Variants in ZNF618 observed in about 807,000 individuals in gnomAD.
ZNF618 encodes neural precursor cell expressed, developmentally down-regulated 10.
In ZNF618, 34 loss-of-function variants were observed where a neutral mutation model predicts 103.0. That is an observed-to-expected ratio of 0.33 (90% CI 0.25 to 0.44). ZNF618 has a LOEUF of 0.44. ZNF618 is among the 20% of genes least tolerant of loss of function. The pLI is 1.00. For missense variants in ZNF618, 1,059 were observed against 1,295.4 expected (o/e 0.82, Z 2.80); for synonymous variants, 551 against 542.2 (o/e 1.02, Z -0.23).
At chr9:114,009,529 G>C (rs1018704416) in intron 9 of ZNF618, among the ~76,000 whole-genome samples, 1 of 152,136 alleles carries the variant, frequency 6.6e-6, no homozygotes, top group African/African-American at 2.4e-5. Context: ...GGCAGGTGCC[G>C]TGGGACCACA....
At chr9:113,988,207 G>A (rs939948455) in intron 2 of ZNF618, 114 bp from the exon 3 acceptor site, 6 of 1,382,254 alleles carry the variant, frequency 4.3e-6, no homozygotes, top group Admixed American at 2.7e-5. Context: ...GGGGCCGGGG[G>A]CCCTAGAATT....
At chr9:114,022,348 T>G (rs972973942) in intron 10 of ZNF618, among the ~76,000 whole-genome samples, 1 of 152,096 alleles carries the variant, frequency 6.6e-6, no homozygotes, top group Admixed American at 6.5e-5. Flanking sequence ...TATTATTTTA[T>G]GTAAGTATTC....
intron 13 of ZNF618, among the ~76,000 whole-genome samples, chr9:114,037,518 C>G (rs1403759693): frequency 1.3e-5 from 2 of 152,158 alleles, no homozygotes; most frequent in Non-Finnish European, 2.9e-5. Context: ...AGTTAGCTGT[C>G]CCTCCACCCC....
chr9:114,046,186 C>T (rs982135503), intron 13 of ZNF618, among the ~76,000 whole-genome samples: 14 of 152,128 alleles, frequency 9.2e-5, no homozygotes, highest in African/African-American at 3.1e-4. Context: ...TTTACTTCTT[C>T]CATTCCAATC....
At chr9:113,919,555 G>A (rs1337756222) in intron 1 of ZNF618, among the ~76,000 whole-genome samples, 1 of 152,180 alleles carries the variant, frequency 6.6e-6, no homozygotes, top group African/African-American at 2.4e-5. Flanking sequence ...GAGCGAACTT[G>A]GCGAGTGGTA....
In ZNF618 at chr9:113,969,114, C is replaced by T; in HGVS notation, c.34-3C>T. On this transcript the variant is annotated splice_polypyrimidine_tract_variant and splice_region_variant and intron_variant, in intron 1 of 14. Coordinates refer to ENST00000374126, the MANE Select transcript of ZNF618 (RefSeq NM_001318042.2). ...ATGTAGGTGTTTTGGGTTTCTTTTGCAGGCTGACGGAGCCAGTGCAGCCGG... is the reference window on the plus strand; with the variant it reads ...ATGTAGGTGTTTTGGGTTTCTTTTGTAGGCTGACGGAGCCAGTGCAGCCGG... The T allele has an allele frequency of 6.2e-7, 1 of 1,613,960 alleles. No homozygotes were observed. Among genetic ancestry groups the T allele is most frequent in the South Asian group, 1.1e-5 (1 of 91,072 alleles).
chr9:113,974,819 A>G (rs147795073), intron 2 of ZNF618, among the ~76,000 whole-genome samples: 2,400 of 152,206 alleles, frequency 0.016, 38 homozygotes, highest in Middle Eastern at 0.037. Flanking sequence ...CTAGTGCAGA[A>G]TGGAAGAGCC....
chr9:113,895,694 T>C (rs977474912), intron 1 of ZNF618, among the ~76,000 whole-genome samples: 1 of 152,122 alleles, frequency 6.6e-6, no homozygotes, highest in South Asian at 2.1e-4. Flanking sequence ...GTAAACAATT[T>C]AGTGTTTTGT....
chr9:113,972,691 T>C lies in ZNF618; in HGVS notation c.77+3531T>C, dbSNP rs7038250. Among the ~76,000 whole-genome samples, 1,022 of 152,228 alleles carry C rather than the reference T, an allele frequency of 6.7e-3. 14 individuals are homozygous for C. The highest frequency in any genetic ancestry group is 0.023 in the African/African-American group (954 of 41,524). ...TTATAGACTCTGTGAGGAAAACTAA[T>C]CCTTTGAAAGACCAACACACTATTA... On this transcript the variant is annotated intron_variant, in intron 2 of 14. Coordinates refer to ENST00000374126, the MANE Select transcript of ZNF618 (RefSeq NM_001318042.2).
intron 1 of ZNF618, among the ~76,000 whole-genome samples, chr9:113,930,744 A>C (rs1833508920): frequency 6.6e-6 from 1 of 152,174 alleles, no homozygotes; most frequent in Admixed American, 6.5e-5. Flanking sequence ...CTTTCTTTTG[A>C]ATCAATGGCA....
rs528750009 is a variant in ZNF618 at position 114,007,311 on chromosome 9, A to C, written c.551-39A>C. 48 of 1,593,856 alleles carry C rather than the reference A, an allele frequency of 3.0e-5. 1 individual carries two copies. In the South Asian group the frequency reaches 5.3e-4, roughly 17 times the overall value. On this transcript the variant is annotated intron_variant, in intron 6 of 14. Transcript: ENST00000374126. ...AGAAAAACCCCACCCCACAAGACTGAAGCCCTGGTAACCAGGTGTGTGTTT... is the reference window on the plus strand; with the variant it reads ...AGAAAAACCCCACCCCACAAGACTGCAGCCCTGGTAACCAGGTGTGTGTTT...
chr9:114,048,967 C>A lies in ZNF618; in HGVS notation c.1665C>A (p.Ser555=), dbSNP rs749976621. Residue 555 remains serine, a synonymous_variant, in exon 15 of 15, where the codon TCC becomes TCA. Coordinates refer to ENST00000374126, the MANE Select transcript of ZNF618 (RefSeq NM_001318042.2). The stretch of plus-strand genomic sequence containing the variant: ...TAGGCATCGGTGTCACCTGCCACTC[C>A]CAGAGTGTTGGCCCTGACTCCTGCT... ...ACLGIGVTCH[S]QSVGPDSCYI... 2 of 1,612,664 alleles carry A rather than the reference C, an allele frequency of 1.2e-6. No individual in the cohort carries two copies. Among genetic ancestry groups the A allele is most frequent in the South Asian group, 1.1e-5 (1 of 90,870 alleles).
chr9:114,037,936 T>G (rs986016157), intron 13 of ZNF618, among the ~76,000 whole-genome samples: 1 of 152,148 alleles, frequency 6.6e-6, no homozygotes, highest in African/African-American at 2.4e-5. Context: ...CTGTGTGACC[T>G]CCTGCAGGAA....
At chr9:114,000,048 C>A (rs1040807066) in intron 4 of ZNF618, among the ~76,000 whole-genome samples, 6 of 152,206 alleles carry the variant, frequency 3.9e-5, no homozygotes, top group Non-Finnish European at 7.3e-5. Context: ...GCAATCTCAT[C>A]TTTGTCCTCC....
rs570413151 is a variant in ZNF618, at chr9:113,993,144, A to G, written c.337+4564A>G. On this transcript the variant is annotated intron_variant, in intron 3 of 14. Transcript: ENST00000374126. ...AACAGCTCTGTACAGCAGCCCCAAG[A>G]AGGAAGGGCAGACCACACTTGAGGT... Among the ~76,000 whole-genome samples the G allele has an allele frequency of 2.6e-5, 4 of 152,308 alleles. No individual in the cohort carries two copies. In the East Asian group the frequency reaches 5.8e-4, roughly 22 times the overall value.
At chr9:113,921,502 C>T (rs905435509) in intron 1 of ZNF618, among the ~76,000 whole-genome samples, 13 of 152,214 alleles carry the variant, frequency 8.5e-5, no homozygotes, top group African/African-American at 2.4e-4. Context: ...GGTTATGGCC[C>T]AGCAGAGAAT....
chr9:114,024,728 C>T (rs1206384434), intron 10 of ZNF618, among the ~76,000 whole-genome samples: 1 of 151,826 alleles, frequency 6.6e-6, no homozygotes, highest in Non-Finnish European at 1.5e-5. Context: ...ACTACACAGC[C>T]CCCCCACCCC....
intron 1 of ZNF618, among the ~76,000 whole-genome samples, chr9:113,959,775 T>C (rs1473861783): frequency 6.6e-6 from 1 of 152,064 alleles, no homozygotes; most frequent in Admixed American, 6.5e-5. Context: ...GCCTGGCTAA[T>C]TTTTTGTATT....
intron 12 of ZNF618, 35 bp from the exon 13 acceptor site, chr9:114,036,265 C>A (rs373261606): frequency 1.3e-6 from 2 of 1,552,010 alleles, no homozygotes; most frequent in Non-Finnish European, 1.7e-6. Context: ...GCGTCGGTTC[C>A]ACCCCTCACG....
Sources: allele counts gnomAD v4.1 joint callset (sites outside exome capture counted in the v4.1 genomes callset), GRCh38; gene constraint gnomAD v4.1.1; transcripts MANE v1.5; gene names NCBI Gene and HGNC (gene_info 2026-07-23, HGNC 2026-07-21).